Variants in CNBP observed in about 807,000 individuals in gnomAD.
CNBP encodes CCHC-type zinc finger nucleic acid binding protein.
Under a neutral mutation model 21.2 loss-of-function variants are expected in CNBP, and 6 were observed. The ratio of observed to expected loss-of-function variants is 0.28; its 90% CI spans 0.16 to 0.56. CNBP has a LOEUF of 0.56. CNBP is among the 20% of genes least tolerant of loss of function. The probability of loss-of-function intolerance (pLI) is 0.93; values close to 1 mark genes in which losing one functional copy is unlikely to be tolerated. For missense variants in CNBP, 112 were observed against 233.1 expected, an observed-to-expected ratio of 0.48 and a Z score of 3.38; for synonymous variants, 61 against 74.9, an observed-to-expected ratio of 0.81 and a Z score of 0.96.
rs933380967 is a variant in CNBP at position 129,171,554 on chromosome 3, A to G, written c.125-16T>C. On this transcript the variant is annotated splice_polypyrimidine_tract_variant and intron_variant, in intron 2 of 4. Coordinates refer to ENST00000422453, the MANE Select transcript of CNBP (RefSeq NM_003418.5). The stretch of plus-strand genomic sequence containing the variant: ...AACTGGAAACCTGTTTTGAGCAAAA[A>G]CAAAGAATTCGGCTAGTCAGACCAG... 2 of 1,614,168 alleles carry G rather than the reference A, an allele frequency of 1.2e-6. No homozygotes were observed. The highest frequency in any genetic ancestry group is 2.7e-5 in the African/African-American group (2 of 75,064).
At chr3:129,176,172 T>C (rs558937561) in intron 1 of CNBP, among the ~76,000 whole-genome samples, 9 of 152,202 alleles carry the variant, frequency 5.9e-5, no homozygotes, top group Non-Finnish European at 1.0e-4. Context: ...CAGCTGAGAA[T>C]CATGGCTCCA....
Position 129,169,153 on chromosome 3 carries a change from G to A in CNBP, c.*1300C>T, listed in dbSNP as rs996012490. On this transcript the variant is annotated 3_prime_UTR_variant, in exon 5 of 5. Transcript: ENST00000422453. ...AATAAAAATACAAAAAATTAGCGGG[G>A]GGTGGTGGCGGGTGCCTGTAATCCC... is the stretch of plus-strand genomic sequence containing the variant. 2.6e-5 allele frequency among the ~76,000 whole-genome samples: 4 copies of A among 151,920 alleles called. No individual in the cohort carries two copies. The highest frequency in any genetic ancestry group is 7.3e-5 in the African/African-American group (3 of 41,348).
In CNBP at chr3:129,171,465, A is replaced by T; in HGVS notation, c.198T>A (p.Asp66Glu). 1 of 1,614,128 alleles carries T rather than the reference A, an allele frequency of 6.2e-7. No homozygotes were observed. The change falls in exon 3 of 5, where the codon GAT becomes GAA. Residue 66 changes from aspartate to glutamate, a missense_variant. Transcript: ENST00000422453. ...RCGESGHLAK[D>E]CDLQEDACYN... ...ACTTACCATCCTCCTGAAGATCACA[A>T]TCCTTGGCAAGATGACCAGACTCAC...
intron 1 of CNBP, among the ~76,000 whole-genome samples, chr3:129,176,744 A>G (rs1196201591): frequency 2.3e-4 from 35 of 152,224 alleles, no homozygotes; most frequent in Non-Finnish European, 2.9e-5. Flanking sequence ...TTCTGCCCAG[A>G]TGAATTTAGG....
chr3:129,176,426 G>A (rs565384888), intron 1 of CNBP, among the ~76,000 whole-genome samples: 98 of 152,264 alleles, frequency 6.4e-4, no homozygotes, highest in Non-Finnish European at 9.7e-4. Context: ...CATATTCCTT[G>A]AAGGTAGAGA....
intron 1 of CNBP, among the ~76,000 whole-genome samples, chr3:129,181,649 C>CAAAAAAAAAAAAAT (rs1367375702): frequency 1.4e-5 from 1 of 72,196 alleles, no homozygotes; most frequent in Admixed American, 2.2e-4. Flanking sequence ...GACTCCGTCT[C>CAAAAAAAAAAAAAT]AGAAAAAAAA....
chr3:129,181,768 T>TTTTC (rs1938318328), intron 1 of CNBP, among the ~76,000 whole-genome samples: 1 of 152,066 alleles, frequency 6.6e-6, no homozygotes, highest in South Asian at 2.1e-4. Flanking sequence ...AAGAGGACCT[T>TTTTC]TGGTTCCTCA....
chr3:129,174,714 G>A (rs1937782856), intron 1 of CNBP, among the ~76,000 whole-genome samples: 1 of 150,504 alleles, frequency 6.6e-6, no homozygotes. Flanking sequence ...GCTGCTTATG[G>A]CACCACTTCC....
chr3:129,172,454 C>G (rs564062174), intron 1 of CNBP, among the ~76,000 whole-genome samples: 9 of 152,164 alleles, frequency 5.9e-5, no homozygotes, highest in African/African-American at 1.9e-4. Flanking sequence ...TGGCGGCATG[C>G]GCCTGTAATC....
chr3:129,172,631 GGC>G (rs1937612332), intron 1 of CNBP, among the ~76,000 whole-genome samples: 3 of 39,098 alleles, frequency 7.7e-5, no homozygotes, highest in Non-Finnish European at 1.7e-4. Context: ...CAGCCAGGCA[GGC>G]AGGCAGGCAG....
intron 1 of CNBP, among the ~76,000 whole-genome samples, chr3:129,179,347 G>C (rs1938135121): frequency 6.6e-6 from 1 of 152,160 alleles, no homozygotes; most frequent in Non-Finnish European, 1.5e-5. Flanking sequence ...CTGCATTCCA[G>C]CCAGAATAAT....
rs939650919 is a variant in CNBP at position 129,168,534 on chromosome 3, G to C, written c.*1919C>G. On this transcript the variant is annotated 3_prime_UTR_variant, in exon 5 of 5. Transcript: ENST00000422453. ...ATTACTTGAACGGGGTGTGGGGGTG[G>C]GGGGTGGAGGTTGCAGTGAGCTGAG... Among the ~76,000 whole-genome samples the C allele has an allele frequency of 6.7e-6, 1 of 148,248 alleles. No individual in the cohort carries two copies. The highest frequency in any genetic ancestry group is 2.2e-4 in the South Asian group (1 of 4,648).
Position 129,168,339 on chromosome 3 carries a change from C to G in CNBP, c.*2114G>C, listed in dbSNP as rs1020697528. Among the ~76,000 whole-genome samples, 1 of 151,948 alleles carries G rather than the reference C, an allele frequency of 6.6e-6. No individual in the cohort carries two copies. Among genetic ancestry groups the G allele is most frequent in the African/African-American group, 2.4e-5 (1 of 41,352 alleles). On this transcript the variant is annotated 3_prime_UTR_variant, in exon 5 of 5. Transcript: ENST00000422453. ...AACAAGGAATCCACCACTTCAGATC[C>G]TTATGAAACCCAGGAAAAGGTGGGG...
chr3:129,181,239 CAAAAAAAAAAAA>C (rs10587328), intron 1 of CNBP, among the ~76,000 whole-genome samples: 2 of 53,162 alleles, frequency 3.8e-5, no homozygotes, highest in East Asian at 5.6e-4. Context: ...GACTCTGTCT[CAAAAAAAAAAAA>C]AAAAAAAAAA....
chr3:129,173,622 C>T (rs1370638220), intron 1 of CNBP, among the ~76,000 whole-genome samples: 1 of 152,080 alleles, frequency 6.6e-6, no homozygotes, highest in African/African-American at 2.4e-5. Context: ...GGATTTTGTA[C>T]TTATGTAACA....
intron 1 of CNBP, 102 bp from the exon 2 acceptor site, chr3:129,171,873 T>G: frequency 7.9e-7 from 1 of 1,269,102 alleles, no homozygotes; most frequent in South Asian, 1.5e-5. Flanking sequence ...GGAAAAAAGC[T>G]AGCTAATATA....
intron 1 of CNBP, among the ~76,000 whole-genome samples, chr3:129,181,576 G>A (rs1161468183): frequency 1.4e-5 from 2 of 142,332 alleles, no homozygotes; most frequent in Non-Finnish European, 1.5e-5. Context: ...GCTTAATCCG[G>A]GAGGCGGAGG....
In CNBP at chr3:129,168,716, C is replaced by A. The variant is rs1479159914; in HGVS notation, c.*1737G>T. Among the ~76,000 whole-genome samples, 1 of 149,480 alleles carries A rather than the reference C, an allele frequency of 6.7e-6. No homozygotes were observed. Among genetic ancestry groups the A allele is most frequent in the Non-Finnish European group, 1.5e-5 (1 of 67,518 alleles). On this transcript the variant is annotated 3_prime_UTR_variant, in exon 5 of 5. Transcript: ENST00000422453. ...GTGGCTCGCACCTGTAACACTAGCA[C>A]TTTGGGGGGCGGGGCAGGTGGATCA...
Position 129,168,758 on chromosome 3 carries a change from G to GA in CNBP, c.*1694_*1695insT, listed in dbSNP as rs1480498251. ...GGTGGATCACCTGAGGTCAGGAGTT[G>GA]GAGACCAGCCCGACCAACATGATGA... On this transcript the variant is annotated 3_prime_UTR_variant, in exon 5 of 5. Transcript: ENST00000422453. Among the ~76,000 whole-genome samples, 1 of 151,762 alleles carries GA rather than the reference G, an allele frequency of 6.6e-6. No individual in the cohort carries two copies. The highest frequency in any genetic ancestry group is 1.5e-5 in the Non-Finnish European group (1 of 67,958).
Sources: allele counts gnomAD v4.1 joint callset (sites outside exome capture counted in the v4.1 genomes callset), GRCh38; gene constraint gnomAD v4.1.1; transcripts MANE v1.5; gene names NCBI Gene and HGNC (gene_info 2026-07-23, HGNC 2026-07-21).